The following PRDM9 variants were observed in gnomAD, a reference collection of about 807,000 sequenced individuals.
PRDM9 encodes the protein PR/SET domain 9.
A neutral mutation model predicts 55.6 loss-of-function variants in PRDM9; 47 were observed. That is an observed-to-expected ratio of 0.85 (90% CI 0.67 to 1.08). The LOEUF (loss-of-function observed/expected upper bound fraction) is 1.08, where lower values mean the gene tolerates loss of function less well. Ranked by LOEUF, PRDM9 falls within the 50% of genes least tolerant of loss-of-function variation. PRDM9 has a pLI of 0.00. For synonymous variants in PRDM9, 312 were observed against 375.7 expected, an observed-to-expected ratio of 0.83 and a Z score of 1.96; for missense variants, 867 against 1,040.3, an observed-to-expected ratio of 0.83 and a Z score of 2.29.
Position 23,526,401 on chromosome 5 carries a change from A to G in PRDM9, c.1313A>G (p.Glu438Gly), listed in dbSNP as rs1489680591. ...CCCTGCCCAGGGGATCAGAATCAGGAGCAGCAATATCCAGATCCACACAGC... is the reference window on the plus strand; with the variant it reads ...CCCTGCCCAGGGGATCAGAATCAGGGGCAGCAATATCCAGATCCACACAGC... ...ENPCPGDQNQ[E>G]QQYPDPHSRN... Residue 438 changes from glutamate (E) to glycine (G), a missense_variant, in exon 11 of 11, where the codon GAG becomes GGG. Physicochemically the swap from Glu to Gly is moderately conservative, Grantham distance 98 (BLOSUM62 -2). This residue lies in a region of PRDM9 where 662 missense variants were observed against 711.9 expected (regional missense o/e 0.93). Transcript: ENST00000296682. 3 of 1,614,214 alleles carry G rather than the reference A, an allele frequency of 1.9e-6. No individual in the cohort carries two copies. Among genetic ancestry groups the G allele is most frequent in the Non-Finnish European group, 2.5e-6 (3 of 1,180,042 alleles).
At chr5:23,523,928 G>A (rs975129408) in intron 9 of PRDM9, among the ~76,000 whole-genome samples, 1 of 152,124 alleles carries the variant, frequency 6.6e-6, no homozygotes, top group African/African-American at 2.4e-5. Flanking sequence ...GATGGACTTG[G>A]GCTGAGTGTA....
At chr5:23,509,740 C>T (rs545808888) in intron 3 of PRDM9, 147 bp downstream of exon 3, 29 of 1,499,478 alleles carry the variant, frequency 1.9e-5, no homozygotes, top group Admixed American at 5.4e-5. Context: ...TGTTCTTTTG[C>T]GTCAGTGCAG....
intron 5 of PRDM9, among the ~76,000 whole-genome samples, chr5:23,518,463 G>T (rs1252379163): frequency 6.6e-6 from 1 of 152,080 alleles, no homozygotes. Context: ...CTCTGTTATG[G>T]TAAAGTGAGA....
At chr5:23,511,232 G>A (rs1043944606) in intron 4 of PRDM9, among the ~76,000 whole-genome samples, 1 of 152,040 alleles carries the variant, frequency 6.6e-6, no homozygotes, top group African/African-American at 2.4e-5. Flanking sequence ...ATTTAACAAA[G>A]GAAAAAGAAT....
chr5:23,510,928 T>C (rs1726211228), intron 4 of PRDM9, among the ~76,000 whole-genome samples: 1 of 151,492 alleles, frequency 6.6e-6, no homozygotes, highest in African/African-American at 2.4e-5. Context: ...GTCGTATCAC[T>C]TGAGGTCTGG....
intron 5 of PRDM9, among the ~76,000 whole-genome samples, chr5:23,519,554 G>T (rs2126422185): frequency 6.6e-6 from 1 of 150,500 alleles, no homozygotes; most frequent in Admixed American, 6.6e-5. Context: ...ATTTTTTGTA[G>T]ATATGGGGTT....
rs754017953 is a variant in PRDM9 at position 23,522,339 on chromosome 5, A to G, written c.544A>G (p.Ser182Gly). ...RKKETERKMY[S>G]LRERKGHAYK... Reference sequence around the variant, plus strand: ...GAAGGAGACTGAAAGAAAGATGTATAGCCTGCGAGAAAGAAAGGGTCATGC... The same window carrying G: ...GAAGGAGACTGAAAGAAAGATGTATGGCCTGCGAGAAAGAAAGGGTCATGC... The change falls in exon 7 of 11, where the codon AGC (serine) becomes GGC (glycine). Residue 182 changes from serine to glycine, a missense_variant. Physicochemically the swap from Ser to Gly is moderately conservative, Grantham distance 56 (BLOSUM62 0). This residue lies in a region of PRDM9 where 662 missense variants were observed against 711.9 expected (regional missense o/e 0.93). Transcript: ENST00000296682. 19 of 1,614,158 alleles carry G rather than the reference A, an allele frequency of 1.2e-5. No individual in the cohort carries two copies. In the South Asian group the frequency reaches 1.9e-4, roughly 16 times the overall value.
intron 4 of PRDM9, among the ~76,000 whole-genome samples, chr5:23,511,320 CGTTT>C (rs199586987): frequency 0.074 from 11,318 of 151,984 alleles, 510 homozygotes; most frequent in Middle Eastern, 0.099. Context: ...ATTCATATAA[CGTTT>C]GTTTGTTTGT....
At chr5:23,521,527 A>G (rs1178698838) in intron 6 of PRDM9, among the ~76,000 whole-genome samples, 1 of 152,134 alleles carries the variant, frequency 6.6e-6, no homozygotes, top group Non-Finnish European at 1.5e-5. Flanking sequence ...TAGTAGAGAC[A>G]GGGTTTCACC....
chr5:23,521,737 T>C (rs1180815432), intron 6 of PRDM9, among the ~76,000 whole-genome samples: 2 of 152,222 alleles, frequency 1.3e-5, no homozygotes, highest in East Asian at 1.9e-4. Flanking sequence ...GCAAATCTTA[T>C]AAATTCTCTG....
Position 23,521,010 on chromosome 5 carries a change from T to A in PRDM9, c.352-13T>A, listed in dbSNP as rs1171549171. On this transcript the variant is annotated splice_polypyrimidine_tract_variant and intron_variant, in intron 5 of 10. Coordinates refer to ENST00000296682, the MANE Select transcript of PRDM9 (RefSeq NM_020227.4). ...TTCGTGTTGTCTTTTAATATGTGAC[T>A]CTCACATTAAAGGGAATGCCCAAGG... 6.2e-7 allele frequency: 1 copy of A among 1,613,828 alleles called. No homozygotes were observed. Among genetic ancestry groups the A allele is most frequent in the Middle Eastern group, 1.7e-4 (1 of 6,058 alleles).
rs781024869 is a variant in PRDM9 at position 23,509,542 on chromosome 5, A to G, written c.142A>G (p.Lys48Glu). 1 of 1,614,212 alleles carries G rather than the reference A, an allele frequency of 6.2e-7. No individual in the cohort carries two copies. The highest frequency in any genetic ancestry group is 8.5e-7 in the Non-Finnish European group (1 of 1,180,044). ...EEWAEMGDWE[K>E]TRYRNVKRNY... The stretch of plus-strand genomic sequence containing the variant: ...ATGGGCAGAGATGGGAGACTGGGAG[A>G]AAACTCGCTATAGGAATGTGAAAAG... The change falls in exon 3 of 11, where the codon AAA becomes GAA. Residue 48 changes from lysine (K) to glutamate (E), a missense_variant. Around this residue, in one of 5 missense-constraint regions of PRDM9, gnomAD observed 662 missense variants for 711.9 expected, o/e 0.93. Coordinates refer to ENST00000296682, the MANE Select transcript of PRDM9 (RefSeq NM_020227.4).
At chr5:23,525,231 A>G (rs554414256) in intron 10 of PRDM9, among the ~76,000 whole-genome samples, 1 of 152,336 alleles carries the variant, frequency 6.6e-6, no homozygotes, top group South Asian at 2.1e-4. Context: ...AGCTAGTGCA[A>G]TGGTCCTACG....
At chr5:23,512,056 T>A (rs1739110138) in intron 4 of PRDM9, among the ~76,000 whole-genome samples, 1 of 151,926 alleles carries the variant, frequency 6.6e-6, no homozygotes, top group Admixed American at 6.6e-5. Flanking sequence ...AAACTGTAAA[T>A]CCACGAAAAA....
At chr5:23,514,715 T>C (rs1739170560) in intron 4 of PRDM9, among the ~76,000 whole-genome samples, 1 of 152,038 alleles carries the variant, frequency 6.6e-6, no homozygotes, top group Non-Finnish European at 1.5e-5. Context: ...AGTGCTGGGA[T>C]TATAGGCATG....
chr5:23,522,703 C>T lies in PRDM9; in HGVS notation c.700C>T (p.His234Tyr), dbSNP rs767273492. ...FVKDSAVDKG[H>Y]PNRSALSLPP... ...AAAGGACAGTGCAGTGGACAAGGGG[C>T]ACCCCAACCGTTCAGCCCTCAGTCT... is the stretch of plus-strand genomic sequence containing the variant. The change falls in exon 8 of 11, where the codon CAC becomes TAC. Residue 234 changes from histidine to tyrosine, a missense_variant. His to Tyr is a moderately conservative substitution (Grantham distance 83, BLOSUM62 2). Around this residue, in one of 5 missense-constraint regions of PRDM9, gnomAD observed 662 missense variants for 711.9 expected, o/e 0.93. Coordinates refer to ENST00000296682, the MANE Select transcript of PRDM9 (RefSeq NM_020227.4). 33 of 1,614,226 alleles carry T rather than the reference C, an allele frequency of 2.0e-5. No homozygotes were observed. The highest frequency in any genetic ancestry group is 6.6e-5 in the South Asian group (6 of 91,086).
intron 4 of PRDM9, among the ~76,000 whole-genome samples, chr5:23,517,282 A>G (rs988397786): frequency 2.0e-5 from 3 of 152,090 alleles, no homozygotes; most frequent in African/African-American, 7.2e-5. Context: ...TTAAAAATTA[A>G]TGTACTAGAT....
At chr5:23,508,929 C>T (rs1427191020) in intron 1 of PRDM9, 21 bp from the exon 2 acceptor site, 2 of 1,386,946 alleles carry the variant, frequency 1.4e-6, no homozygotes, top group Non-Finnish European at 1.0e-6. Flanking sequence ...TGCCCCCTCT[C>T]AGCACCTTCT....
chr5:23,526,816 G>A lies in PRDM9; in HGVS notation c.1728G>A (p.Gly576=), dbSNP rs573799326. 16 of 1,590,888 alleles carry A rather than the reference G, an allele frequency of 1.0e-5. 1 individual carries two copies. In the South Asian group the frequency reaches 1.8e-4, roughly 18 times the overall value. The change falls in exon 11 of 11, where the codon GGG becomes GGA. Residue 576 remains glycine (G), a synonymous_variant. Transcript: ENST00000296682. ...HLLIHQRIHT[G]EKPYVCRECG... ...TCATTCACCAGAGGATACACACAGGGGAGAAGCCCTATGTCTGCAGGGAGT... is the reference window on the plus strand; with the variant it reads ...TCATTCACCAGAGGATACACACAGGAGAGAAGCCCTATGTCTGCAGGGAGT...
Sources: gnomAD v4.1 joint callset for allele counts (sites outside exome capture counted in the v4.1 genomes callset) on GRCh38, gnomAD v4.1.1 for gene constraint, gnomAD v4.1.1 regional missense constraint, MANE v1.5 for transcripts, NCBI Gene and HGNC (gene_info 2026-07-23, HGNC 2026-07-21) for gene names.